VTI1A: variants seen among roughly 807,000 people sequenced by gnomAD.
The protein encoded by VTI1A is vesicle transport through interaction with t-SNAREs 1A, also known as vesicle transport through interaction with t-SNAREs homolog 1A.
Under a neutral mutation model 34.9 loss-of-function variants are expected in VTI1A, and 22 were observed. The ratio of observed to expected loss-of-function variants is 0.63; its 90% CI spans 0.45 to 0.90. The LOEUF (loss-of-function observed/expected upper bound fraction) is 0.90, where lower values mean the gene tolerates loss of function less well. VTI1A is among the 40% of genes least tolerant of loss of function. The pLI, the probability that VTI1A is intolerant of heterozygous loss-of-function variation, is 0.00. For synonymous variants in VTI1A, 87 were observed against 97.3 expected, an observed-to-expected ratio of 0.89 and a Z score of 0.62; for missense variants, 268 against 275.6, an observed-to-expected ratio of 0.97 and a Z score of 0.20.
intron 5 of VTI1A, among the ~76,000 whole-genome samples, chr10:112,605,887 C>G (rs1332917620): frequency 6.6e-6 from 1 of 152,230 alleles, no homozygotes; most frequent in South Asian, 2.1e-4. Flanking sequence ...CAACTTTTCA[C>G]ACAAAGCTAG....
chr10:112,466,353 A>G (rs1024772710), intron 3 of VTI1A, among the ~76,000 whole-genome samples: 1 of 152,166 alleles, frequency 6.6e-6, no homozygotes, highest in African/African-American at 2.4e-5. Context: ...AATGGCTACT[A>G]TCTTGATAAG....
chr10:112,639,627 G>C (rs1846491200), intron 5 of VTI1A, among the ~76,000 whole-genome samples: 1 of 152,112 alleles, frequency 6.6e-6, no homozygotes, highest in Admixed American at 6.5e-5. Flanking sequence ...AAGAGCTCTA[G>C]AACAGGCTGA....
chr10:112,617,585 T>C (rs566967796), intron 5 of VTI1A, among the ~76,000 whole-genome samples: 2 of 152,214 alleles, frequency 1.3e-5, no homozygotes, highest in African/African-American at 4.8e-5. Flanking sequence ...TTTTGCTTTG[T>C]TATTGGAAGT....
intron 1 of VTI1A, among the ~76,000 whole-genome samples, chr10:112,451,555 C>G (rs569647544): frequency 1.8e-4 from 27 of 152,180 alleles, no homozygotes; most frequent in Non-Finnish European, 2.8e-4. Flanking sequence ...GAATTTGGAA[C>G]TGGGCTTTGA....
intron 5 of VTI1A, among the ~76,000 whole-genome samples, chr10:112,664,113 G>A (rs904659064): frequency 2.6e-5 from 4 of 151,990 alleles, no homozygotes; most frequent in South Asian, 2.1e-4. Context: ...AAAATAATTC[G>A]CTGGATACCA....
chr10:112,752,317 C>G, intron 7 of VTI1A: 2 of 967,382 alleles, frequency 2.1e-6, no homozygotes, highest in Non-Finnish European at 2.5e-6. Context: ...CATACTGATT[C>G]CATTTTGTCC....
chr10:112,591,242 C>T (rs116344467), intron 5 of VTI1A, among the ~76,000 whole-genome samples: 5,263 of 152,256 alleles, frequency 0.035, 108 homozygotes, highest in Non-Finnish European at 0.042. Context: ...TACTGTTGAC[C>T]GGGCGTGGTG....
chr10:112,717,430 C>T (rs2133933442), intron 7 of VTI1A, among the ~76,000 whole-genome samples: 1 of 152,248 alleles, frequency 6.6e-6, no homozygotes. Context: ...GGTGTTCTGG[C>T]TCAGGGTCTC....
chr10:112,752,421 A>G lies in VTI1A; in HGVS notation c.561-62869A>G, dbSNP rs569943631. 1.0e-5 allele frequency: 10 copies of G among 985,446 alleles called. No individual in the cohort carries two copies. In the African/African-American group the frequency reaches 1.6e-4, roughly 15 times the overall value. 61.0% of individuals were successfully genotyped at this position (985,446 alleles called of 1,614,324 possible). A position where few individuals can be genotyped will look rare whatever the true frequency, so the allele number is the denominator to read the frequency against. On this transcript the variant is annotated intron_variant, in intron 7 of 7. Transcript: ENST00000393077. Reference sequence around the variant, plus strand: ...GCTGATATCTCTTTACCGGGGAGTCAGCTTCACCAGCCACAGCTGCTGAAA... The same window carrying G: ...GCTGATATCTCTTTACCGGGGAGTCGGCTTCACCAGCCACAGCTGCTGAAA...
chr10:112,808,325 A>G (rs1267865622), intron 7 of VTI1A, among the ~76,000 whole-genome samples: 1 of 151,064 alleles, frequency 6.6e-6, no homozygotes, highest in Non-Finnish European at 1.5e-5. Context: ...CAGTACAATC[A>G]GTATGATTTA....
chr10:112,778,025 C>T (rs1852002198), intron 7 of VTI1A, among the ~76,000 whole-genome samples: 1 of 152,104 alleles, frequency 6.6e-6, no homozygotes, highest in South Asian at 2.1e-4. Flanking sequence ...TCGCTTGAAC[C>T]TGGGAGGCAG....
intron 5 of VTI1A, among the ~76,000 whole-genome samples, chr10:112,588,873 C>T (rs1844265268): frequency 6.6e-6 from 1 of 152,164 alleles, no homozygotes; most frequent in Non-Finnish European, 1.5e-5. Context: ...CAGGCTTTGT[C>T]TAGCTTTCTT....
At chr10:112,597,320 C>T (rs892264062) in intron 5 of VTI1A, among the ~76,000 whole-genome samples, 3 of 152,082 alleles carry the variant, frequency 2.0e-5, no homozygotes, top group African/African-American at 7.2e-5. Flanking sequence ...TGGGTTCAAG[C>T]GATTCTCTTG....
intron 7 of VTI1A, among the ~76,000 whole-genome samples, chr10:112,724,800 GA>G (rs1293880936): frequency 6.4e-5 from 8 of 125,670 alleles, no homozygotes; most frequent in African/African-American, 1.5e-4. Flanking sequence ...AAAAAAAAAA[GA>G]AAAAAAAACA....
chr10:112,533,445 TA>T, intron 4 of VTI1A: 1 of 863,564 alleles, frequency 1.2e-6, no homozygotes, highest in Non-Finnish European at 1.4e-6. Context: ...TTGTCAATGT[TA>T]ATTCTGTATC....
intron 7 of VTI1A, among the ~76,000 whole-genome samples, chr10:112,741,415 T>A (rs1037741793): frequency 1.3e-5 from 2 of 152,170 alleles, no homozygotes; most frequent in African/African-American, 4.8e-5. Context: ...AGGATCACAC[T>A]ACTTTACTCC....
At chr10:112,692,752 T>C (rs775266562) in intron 7 of VTI1A, among the ~76,000 whole-genome samples, 25 of 152,196 alleles carry the variant, frequency 1.6e-4, no homozygotes, top group Non-Finnish European at 3.1e-4. Flanking sequence ...AAATAAAATG[T>C]TAAAAGTAAG....
intron 7 of VTI1A, among the ~76,000 whole-genome samples, chr10:112,723,619 C>T (rs1849895760): frequency 6.6e-6 from 1 of 152,174 alleles, no homozygotes; most frequent in Non-Finnish European, 1.5e-5. Flanking sequence ...CTGATCAAAC[C>T]TGTGGTTTGG....
At chr10:112,461,680 G>A (rs1432721997) in intron 2 of VTI1A, among the ~76,000 whole-genome samples, 1 of 152,126 alleles carries the variant, frequency 6.6e-6, no homozygotes, top group Non-Finnish European at 1.5e-5. Context: ...GACTCAACTT[G>A]TTACTATGCA....
Sources: gnomAD v4.1 joint callset for allele counts (sites outside exome capture counted in the v4.1 genomes callset) on GRCh38, gnomAD v4.1.1 for gene constraint, MANE v1.5 for transcripts, NCBI Gene and HGNC (gene_info 2026-07-23, HGNC 2026-07-21) for gene names.